Variants in AFAP1L2 observed in about 807,000 individuals in gnomAD.
AFAP1L2 encodes actin filament associated protein 1 like 2, also known as actin filament-associated protein 1-like 2.
A neutral mutation model predicts 99.3 loss-of-function variants in AFAP1L2; 46 were observed. The observed-to-expected ratio is 0.46, with a 90% confidence interval of 0.37 to 0.59. AFAP1L2 has a LOEUF of 0.59. Ranked by LOEUF, AFAP1L2 falls within the 20% of genes least tolerant of loss-of-function variation. The probability of loss-of-function intolerance (pLI) is 0.00; values close to 1 mark genes in which losing one functional copy is unlikely to be tolerated. For missense variants in AFAP1L2, 959 were observed against 1,034.9 expected (o/e 0.93, Z 1.01); for synonymous variants, 397 against 419.1 (o/e 0.95, Z 0.64).
chr10:114,328,891 C>T (rs1422305244), intron 4 of AFAP1L2, among the ~76,000 whole-genome samples: 1 of 152,188 alleles, frequency 6.6e-6, no homozygotes, highest in African/African-American at 2.4e-5. Flanking sequence ...TCTGGAACAC[C>T]CTGGGGTAGA....
intron 1 of AFAP1L2, among the ~76,000 whole-genome samples, chr10:114,373,059 G>A (rs866979450): frequency 1.3e-5 from 2 of 152,266 alleles, no homozygotes; most frequent in South Asian, 4.1e-4. Flanking sequence ...CCGGGCAACA[G>A]GGTGAGAACC....
intron 1 of AFAP1L2, among the ~76,000 whole-genome samples, chr10:114,370,994 C>A (rs139095397): frequency 6.6e-5 from 10 of 152,194 alleles, no homozygotes; most frequent in Admixed American, 2.6e-4. Flanking sequence ...CAATATTAAA[C>A]GGAACCTTAA....
At chr10:114,290,054 A>G, downstream of AFAP1L2, 1 of 626,334 alleles carries the variant, frequency 1.6e-6, no homozygotes, top group South Asian at 2.2e-5. Flanking sequence ...ACTCTCCATG[A>G]GTCTGTAGGA....
the AFAP1L2 span, chr10:114,281,784 C>T: frequency 1.0e-6 from 1 of 982,572 alleles, no homozygotes; most frequent in Non-Finnish European, 1.2e-6. Context: ...TTAAGGAATA[C>T]AGTTGAAAAG....
chr10:114,400,270 G>C (rs2151891), intron 1 of AFAP1L2, among the ~76,000 whole-genome samples: 138,789 of 152,256 alleles, frequency 0.91, 63,457 homozygotes, highest in East Asian at 1. Context: ...AGCCCAGCTC[G>C]CAGGGCTCCT....
intron 4 of AFAP1L2, among the ~76,000 whole-genome samples, chr10:114,325,609 C>T (rs575677563): frequency 9.8e-5 from 15 of 152,340 alleles, no homozygotes; most frequent in East Asian, 9.7e-4. Flanking sequence ...GGCTGACAGA[C>T]GCACTGCTGA....
At chr10:114,348,605 T>C (rs1431143339) in intron 1 of AFAP1L2, among the ~76,000 whole-genome samples, 1 of 152,256 alleles carries the variant, frequency 6.6e-6, no homozygotes, top group African/African-American at 2.4e-5. Flanking sequence ...CAGATTGCCA[T>C]GCTCTCAAAG....
chr10:114,318,748 G>GGAAAAAAAGAA lies in AFAP1L2; in HGVS notation c.407-2984_407-2983insTTCTTTTTTTC, dbSNP rs2044570937. On this transcript the variant is annotated intron_variant, in intron 5 of 18. Coordinates refer to ENST00000304129, the MANE Select transcript of AFAP1L2 (RefSeq NM_001001936.3). Reference sequence around the variant, plus strand: ...AGGGTGAGACTCTGTCTAAAAAAAAGAAAAAAAAAAGAACAACAAATCATA... The same window carrying GGAAAAAAAGAA: ...AGGGTGAGACTCTGTCTAAAAAAAAGGAAAAAAAGAAAAAAAAAAAAGAACAACAAATCATA... 3.4e-5 allele frequency among the ~76,000 whole-genome samples: 4 copies of GGAAAAAAAGAA among 118,890 alleles called. 1 individual carries two copies. The East Asian group carries it at 9.8e-4, about 29-fold the overall frequency. 78.0% of individuals were successfully genotyped at this position (118,890 alleles called of 152,430 possible).
chr10:114,354,371 T>G (rs2050991329), intron 1 of AFAP1L2, among the ~76,000 whole-genome samples: 1 of 152,194 alleles, frequency 6.6e-6, no homozygotes, highest in Admixed American at 6.5e-5. Flanking sequence ...CTGTGTGTAA[T>G]TCCTTTATCT....
Position 114,379,696 on chromosome 10 carries a change from T to G in AFAP1L2, c.16+24744A>C, listed in dbSNP as rs115046068. Among the ~76,000 whole-genome samples, 676 of 152,318 alleles carry G rather than the reference T, an allele frequency of 4.4e-3. 5 individuals carry two copies. Among genetic ancestry groups the G allele is most frequent in the African/African-American group, 0.016 (655 of 41,558 alleles). On this transcript the variant is annotated intron_variant, in intron 1 of 18. Coordinates refer to ENST00000304129, the MANE Select transcript of AFAP1L2 (RefSeq NM_001001936.3). Reference sequence around the variant, plus strand: ...TTGAGGTTTTATGTTCCGCATGGGTTTACCCCACATTCTTACATGTGAACA... The same window carrying G: ...TTGAGGTTTTATGTTCCGCATGGGTGTACCCCACATTCTTACATGTGAACA...
intron 1 of AFAP1L2, among the ~76,000 whole-genome samples, chr10:114,358,100 A>G (rs934046691): frequency 3.3e-5 from 5 of 152,210 alleles, no homozygotes; most frequent in African/African-American, 1.2e-4. Flanking sequence ...CTAGGAATAA[A>G]CAAGCCTCTC....
chr10:114,361,350 C>T (rs1439675062), intron 1 of AFAP1L2, among the ~76,000 whole-genome samples: 2 of 152,176 alleles, frequency 1.3e-5, no homozygotes, highest in African/African-American at 4.8e-5. Context: ...AAGTTTCTGT[C>T]TGGGAAGGTG....
the AFAP1L2 span, chr10:114,286,430 G>A: frequency 2.5e-6 from 4 of 1,613,674 alleles, no homozygotes; most frequent in South Asian, 2.2e-5. Context: ...CCCAAAGCAT[G>A]TGATGGTCTA....
At chr10:114,294,712 A>T, downstream of AFAP1L2, 1 of 671,660 alleles carries the variant, frequency 1.5e-6, no homozygotes, top group Non-Finnish European at 1.8e-6. Context: ...AAGGAGGCTG[A>T]GTTTCCTGCT....
At chr10:114,378,477 T>C (rs1271864173) in intron 1 of AFAP1L2, among the ~76,000 whole-genome samples, 3 of 152,248 alleles carry the variant, frequency 2.0e-5, no homozygotes, top group Non-Finnish European at 2.9e-5. Flanking sequence ...GTCCTCATTA[T>C]ATCCTCAGAG....
Position 114,308,531 on chromosome 10 carries a change from C to A in AFAP1L2, c.883-14G>T, listed in dbSNP as rs764822842. 1 of 1,611,388 alleles carries A rather than the reference C, an allele frequency of 6.2e-7. No individual in the cohort carries two copies. The highest frequency in any genetic ancestry group is 8.5e-7 in the Non-Finnish European group (1 of 1,177,658). On this transcript the variant is annotated splice_polypyrimidine_tract_variant and intron_variant, in intron 8 of 18. Transcript: ENST00000304129. ...AGCTATATCTGGCTATGGACAAAAG[C>A]GACATGAATGGGGATCACTGGCTGG...
chr10:114,283,086 G>A, the AFAP1L2 span, among the ~76,000 whole-genome samples: 1 of 152,328 alleles, frequency 6.6e-6, no homozygotes, highest in Non-Finnish European at 1.5e-5. Flanking sequence ...GCATCATTCA[G>A]CATGGTTCAC....
the AFAP1L2 span, chr10:114,286,275 C>T: frequency 6.2e-7 from 1 of 1,610,522 alleles, no homozygotes; most frequent in Non-Finnish European, 8.5e-7. Context: ...CAGGACCGGC[C>T]ACGTAGAGTG....
chr10:114,378,827 T>C (rs2055168905), intron 1 of AFAP1L2, among the ~76,000 whole-genome samples: 1 of 152,276 alleles, frequency 6.6e-6, no homozygotes, highest in South Asian at 2.1e-4. Context: ...TGACTACCTG[T>C]CTAGCTCCTC....
Sources: allele counts gnomAD v4.1 joint callset (sites outside exome capture counted in the v4.1 genomes callset), GRCh38; gene constraint gnomAD v4.1.1; transcripts MANE v1.5; gene names NCBI Gene and HGNC (gene_info 2026-07-23, HGNC 2026-07-21).